The following PDE7B variants were observed in gnomAD, a reference collection of about 807,000 sequenced individuals.
PDE7B encodes the protein phosphodiesterase 7B, also known as 3',5'-cyclic-AMP phosphodiesterase 7B.
Under a neutral mutation model 56.2 loss-of-function variants are expected in PDE7B, and 29 were observed. That is an observed-to-expected ratio of 0.52 (90% confidence interval 0.38 to 0.70). The LOEUF (loss-of-function observed/expected upper bound fraction) is 0.70. Among genes scored for constraint, PDE7B ranks in the 30% least tolerant of loss-of-function variants. The pLI, the probability that PDE7B is intolerant of heterozygous loss-of-function variation, is 0.00. For missense variants in PDE7B, 490 were observed against 565.0 expected, an observed-to-expected ratio of 0.87 and a Z score of 1.35; for synonymous variants, 197 against 196.9, an observed-to-expected ratio of 1.00 and a Z score of 0.00.
chr6:135,887,584 A>G (rs1159502124), intron 1 of PDE7B, among the ~76,000 whole-genome samples: 1 of 152,170 alleles, frequency 6.6e-6, no homozygotes, highest in Admixed American at 6.6e-5. Context: ...AATGTTGTGT[A>G]CTGTATTCTG....
At chr6:136,042,392 T>C (rs1216774835) in intron 2 of PDE7B, among the ~76,000 whole-genome samples, 1 of 152,248 alleles carries the variant, frequency 6.6e-6, no homozygotes, top group African/African-American at 2.4e-5. Flanking sequence ...AATTAGATTT[T>C]GGAATTCAAC....
intron 2 of PDE7B, among the ~76,000 whole-genome samples, chr6:135,988,904 A>T (rs1775427294): frequency 1.3e-5 from 2 of 152,174 alleles, no homozygotes; most frequent in Admixed American, 1.3e-4. Flanking sequence ...GTTGCAAGGA[A>T]ACTTAATCTC....
chr6:135,879,800 G>T (rs976250884), intron 1 of PDE7B, among the ~76,000 whole-genome samples: 1 of 152,122 alleles, frequency 6.6e-6, no homozygotes, highest in African/African-American at 2.4e-5. Context: ...GGTCCTCAGT[G>T]CCCCTGTGGC....
intron 2 of PDE7B, among the ~76,000 whole-genome samples, chr6:136,037,009 G>A (rs949036808): frequency 4.6e-5 from 7 of 152,174 alleles, no homozygotes; most frequent in East Asian, 1.9e-4. Context: ...CAGGGTTAGC[G>A]CCTCCATCTC....
chr6:135,916,206 C>T (rs1773930411), intron 1 of PDE7B, among the ~76,000 whole-genome samples: 1 of 151,986 alleles, frequency 6.6e-6, no homozygotes, highest in Non-Finnish European at 1.5e-5. Context: ...CGTGCTGCCA[C>T]AGTTTCTTCT....
chr6:135,857,052 C>CCCTT (rs1292256411), intron 1 of PDE7B, among the ~76,000 whole-genome samples: 13 of 136,556 alleles, frequency 9.5e-5, no homozygotes, highest in African/African-American at 3.7e-4. Context: ...CTCCCTCCCT[C>CCCTT]CCTTCCTTCC....
At position 135,933,053 on chromosome 6, in the gene PDE7B, G is replaced by A. The variant is rs187397093; in HGVS notation, c.22-14411G>A. 8.5e-5 allele frequency among the ~76,000 whole-genome samples: 13 copies of A among 152,266 alleles called. 1 individual carries two copies. The highest frequency in any genetic ancestry group is 4.6e-4 in the Admixed American group (7 of 15,296). On this transcript the variant is annotated intron_variant, in intron 1 of 12. Coordinates refer to ENST00000308191, the MANE Select transcript of PDE7B (RefSeq NM_018945.4). ...GATCTCTTAGGGGCTCTGTCTCCATGGTTTTTGGTGAAAGCACAGAGGGTT... is the reference window on the plus strand; with the variant it reads ...GATCTCTTAGGGGCTCTGTCTCCATAGTTTTTGGTGAAAGCACAGAGGGTT...
chr6:135,954,280 C>T (rs556489293), intron 2 of PDE7B, among the ~76,000 whole-genome samples: 2 of 152,098 alleles, frequency 1.3e-5, no homozygotes, highest in Non-Finnish European at 2.9e-5. Flanking sequence ...CTGCCCAGCC[C>T]CTAAGAGGAA....
chr6:135,976,658 A>G (rs1158635010), intron 2 of PDE7B, among the ~76,000 whole-genome samples: 1 of 151,842 alleles, frequency 6.6e-6, no homozygotes, highest in Admixed American at 6.6e-5. Flanking sequence ...ATCATAGCAA[A>G]TGCCAAGAAA....
rs560150449 is a variant in PDE7B, at chr6:136,054,061, T to G, written c.83-54670T>G. Among the ~76,000 whole-genome samples, 22 of 152,156 alleles carry G rather than the reference T, an allele frequency of 1.4e-4. No homozygotes were observed. The East Asian group carries it at 2.7e-3, about 19-fold the overall frequency. On this transcript the variant is annotated intron_variant, in intron 2 of 12. Transcript: ENST00000308191. The stretch of plus-strand genomic sequence containing the variant: ...CTGTGCAGAAGCTCTTTAGTTTAAT[T>G]AGATCCCATTTGTCAATTTTGGCTT...
At chr6:136,175,318 G>A (rs1778959966) in intron 9 of PDE7B, among the ~76,000 whole-genome samples, 1 of 152,086 alleles carries the variant, frequency 6.6e-6, no homozygotes, top group Admixed American at 6.5e-5. Context: ...ATGCTTTAAT[G>A]TCATTTTTCT....
intron 2 of PDE7B, among the ~76,000 whole-genome samples, chr6:136,008,653 C>T (rs1039746121): frequency 9.2e-5 from 14 of 152,226 alleles, no homozygotes; most frequent in East Asian, 1.9e-4. Flanking sequence ...TGTCTGTTCA[C>T]GTCCTTCGCC....
Position 136,135,598 on chromosome 6 carries a change from A to G in PDE7B, c.167-11753A>G, listed in dbSNP as rs527639258. Reference sequence around the variant, plus strand: ...ACCCATCATTTTCTGACCACTGAGAATAGACACAGTAAGAAATAAACAAAT... The same window carrying G: ...ACCCATCATTTTCTGACCACTGAGAGTAGACACAGTAAGAAATAAACAAAT... On this transcript the variant is annotated intron_variant, in intron 3 of 12. Coordinates refer to ENST00000308191, the MANE Select transcript of PDE7B (RefSeq NM_018945.4). 1.1e-4 allele frequency among the ~76,000 whole-genome samples: 16 copies of G among 152,244 alleles called. No individual in the cohort carries two copies. The East Asian group carries it at 2.9e-3, about 28-fold the overall frequency.
rs1554282826 is a variant in PDE7B, at chr6:136,147,163, T to TTA, written c.167-188_167-187insTA. 3.6e-3 allele frequency among the ~76,000 whole-genome samples: 530 copies of TTA among 149,140 alleles called. 2 individuals are homozygous for TTA. The highest frequency in any genetic ancestry group is 0.012 in the African/African-American group (505 of 40,572). On this transcript the variant is annotated intron_variant, in intron 3 of 12. Transcript: ENST00000308191. ...TCTCAAAAAATAAATAAGTAAAAAT[T>TTA]AAAAAAAAAACAAATATCAGGTATG...
chr6:136,111,331 CATTAT>C (rs1777744481), intron 3 of PDE7B, among the ~76,000 whole-genome samples: 1 of 152,154 alleles, frequency 6.6e-6, no homozygotes, highest in South Asian at 2.1e-4. Flanking sequence ...TCCTCGAAAA[CATTAT>C]ATTAAATAAC....
At chr6:136,167,066 T>C (rs1778805452) in intron 8 of PDE7B, among the ~76,000 whole-genome samples, 1 of 152,104 alleles carries the variant, frequency 6.6e-6, no homozygotes, top group African/African-American at 2.4e-5. Flanking sequence ...TTTAGAATGC[T>C]CTTCCCCAGG....
chr6:136,044,399 T>G (rs1053175137), intron 2 of PDE7B: 2 of 152,190 alleles, frequency 1.3e-5, no homozygotes, highest in African/African-American at 4.8e-5. Flanking sequence ...TAAAATAGCT[T>G]ACAAATTGCC....
intron 2 of PDE7B, among the ~76,000 whole-genome samples, chr6:136,087,671 G>A (rs1777315260): frequency 6.6e-6 from 1 of 152,162 alleles, no homozygotes; most frequent in Non-Finnish European, 1.5e-5. Context: ...GGCATGCAAA[G>A]CTTTCTAATT....
At chr6:135,978,305 G>A (rs1405890416) in intron 2 of PDE7B, among the ~76,000 whole-genome samples, 1 of 152,102 alleles carries the variant, frequency 6.6e-6, no homozygotes, top group Non-Finnish European at 1.5e-5. Context: ...ATTTTAAAAT[G>A]TTACACATTT....
Sources: allele counts gnomAD v4.1 joint callset (sites outside exome capture counted in the v4.1 genomes callset), GRCh38; gene constraint gnomAD v4.1.1; transcripts MANE v1.5; gene names NCBI Gene and HGNC (gene_info 2026-07-23, HGNC 2026-07-21).